Variants in RABGAP1L observed in about 807,000 individuals in gnomAD.
RABGAP1L encodes RAB GTPase activating protein 1 like.
In RABGAP1L, 63 loss-of-function variants were observed where a neutral mutation model predicts 137.7. That is an observed-to-expected ratio of 0.46 (90% CI 0.37 to 0.56). RABGAP1L has a LOEUF of 0.56. RABGAP1L is among the 20% of genes least tolerant of loss of function. The pLI is 0.00. For synonymous variants in RABGAP1L, 431 were observed against 433.7 expected, an observed-to-expected ratio of 0.99 and a Z score of 0.08; for missense variants, 1,095 against 1,244.0, an observed-to-expected ratio of 0.88 and a Z score of 1.80.
intron 7 of RABGAP1L, among the ~76,000 whole-genome samples, chr1:174,254,667 T>C (rs1232377373): frequency 2.6e-5 from 4 of 152,218 alleles, no homozygotes; most frequent in Non-Finnish European, 5.9e-5. Flanking sequence ...GGACATGAAC[T>C]CATTCTTTTT....
chr1:174,619,045 G>C (rs998512822), intron 13 of RABGAP1L, among the ~76,000 whole-genome samples: 1 of 152,078 alleles, frequency 6.6e-6, no homozygotes, highest in Non-Finnish European at 1.5e-5. Flanking sequence ...TATCAGTGAT[G>C]GAAAATCAAA....
chr1:174,958,350 C>G (rs994448811), intron 20 of RABGAP1L, among the ~76,000 whole-genome samples: 1 of 152,172 alleles, frequency 6.6e-6, no homozygotes, highest in East Asian at 1.9e-4. Context: ...TCCCAGGATG[C>G]AAAGTTGGGA....
intron 17 of RABGAP1L, among the ~76,000 whole-genome samples, chr1:174,745,129 A>G (rs983522760): frequency 2.6e-5 from 4 of 152,204 alleles, no homozygotes; most frequent in Non-Finnish European, 5.9e-5. Context: ...CTTTACTCAC[A>G]TATCTACCAC....
At chr1:174,212,783 C>A (rs1346612158) in intron 1 of RABGAP1L, among the ~76,000 whole-genome samples, 1 of 151,958 alleles carries the variant, frequency 6.6e-6, no homozygotes, top group Non-Finnish European at 1.5e-5. Context: ...TGAAAATTGA[C>A]AAACCCTTAG....
At chr1:174,514,894 T>A (rs1241128817) in intron 13 of RABGAP1L, among the ~76,000 whole-genome samples, 1 of 152,218 alleles carries the variant, frequency 6.6e-6, no homozygotes, top group Non-Finnish European at 1.5e-5. Context: ...TTGAGGGCCC[T>A]GATAATTTTT....
intron 11 of RABGAP1L, among the ~76,000 whole-genome samples, chr1:174,369,507 T>C (rs1283763963): frequency 6.6e-6 from 1 of 152,190 alleles, no homozygotes; most frequent in African/African-American, 2.4e-5. Flanking sequence ...AATAGTCCTC[T>C]TTCACTATAA....
intron 18 of RABGAP1L, among the ~76,000 whole-genome samples, chr1:174,797,947 T>A (rs1688398205): frequency 6.6e-6 from 1 of 152,018 alleles, no homozygotes; most frequent in Non-Finnish European, 1.5e-5. Flanking sequence ...GTTTTTTGTT[T>A]TTGTTTTTAG....
intron 13 of RABGAP1L, among the ~76,000 whole-genome samples, chr1:174,416,089 G>A (rs1453239152): frequency 2.9e-5 from 4 of 139,270 alleles, no homozygotes; most frequent in Non-Finnish European, 6.2e-5. Flanking sequence ...CTTGCTGTGA[G>A]CTGCAGTTTT....
At chr1:174,422,416 T>C (rs922945931) in intron 13 of RABGAP1L, among the ~76,000 whole-genome samples, 8 of 152,060 alleles carry the variant, frequency 5.3e-5, no homozygotes, top group Non-Finnish European at 8.8e-5. Flanking sequence ...AAAACAGTTT[T>C]TAGGAATAGA....
intron 13 of RABGAP1L, among the ~76,000 whole-genome samples, chr1:174,616,406 A>G (rs1040102671): frequency 3.3e-5 from 5 of 152,218 alleles, no homozygotes; most frequent in Non-Finnish European, 5.9e-5. Flanking sequence ...ATCTTGGGGA[A>G]TAGATGGTTA....
chr1:174,707,007 T>A (rs1333398076), intron 17 of RABGAP1L, among the ~76,000 whole-genome samples: 1 of 152,158 alleles, frequency 6.6e-6, no homozygotes, highest in Non-Finnish European at 1.5e-5. Context: ...TCCGTGTGAA[T>A]CTTTTGAACT....
chr1:174,383,464 T>C (rs61828652), intron 12 of RABGAP1L, among the ~76,000 whole-genome samples: 13,606 of 152,096 alleles, frequency 0.089, 821 homozygotes, highest in East Asian at 0.22. Flanking sequence ...TAGGACCCTC[T>C]GAGCCAGGTG....
At chr1:174,780,600 G>C (rs972468990) in intron 18 of RABGAP1L, among the ~76,000 whole-genome samples, 1 of 151,874 alleles carries the variant, frequency 6.6e-6, no homozygotes, top group African/African-American at 2.4e-5. Context: ...TTAAGTTCTA[G>C]GGTACATGTG....
At chr1:174,396,453 A>G (rs1647866977) in intron 13 of RABGAP1L, among the ~76,000 whole-genome samples, 1 of 151,986 alleles carries the variant, frequency 6.6e-6, no homozygotes, top group African/African-American at 2.4e-5. Context: ...TATCTATAAT[A>G]TATTAGTATA....
intron 14 of RABGAP1L, among the ~76,000 whole-genome samples, chr1:174,650,550 G>C (rs1192223547): frequency 4.6e-5 from 7 of 151,996 alleles, no homozygotes; most frequent in Non-Finnish European, 7.4e-5. Flanking sequence ...ACTTCTTCCT[G>C]GTTTAGTCTT....
intron 17 of RABGAP1L, among the ~76,000 whole-genome samples, chr1:174,744,088 C>T (rs1473184545): frequency 2.9e-4 from 8 of 27,136 alleles, no homozygotes; most frequent in Admixed American, 1.8e-3. Context: ...CTGTGAAATA[C>T]GTAAAAAAAA....
intron 13 of RABGAP1L, among the ~76,000 whole-genome samples, chr1:174,584,661 A>T (rs2148103055): frequency 6.6e-6 from 1 of 152,302 alleles, no homozygotes; most frequent in African/African-American, 2.4e-5. Context: ...TTTGTAAGAA[A>T]CCTTGGTATC....
intron 15 of RABGAP1L, among the ~76,000 whole-genome samples, chr1:174,699,003 A>AT (rs11350428): frequency 8.8e-5 from 13 of 147,928 alleles, no homozygotes; most frequent in Non-Finnish European, 1.8e-4. Flanking sequence ...ATTTTATTTT[A>AT]TTTTTTTTTT....
At chr1:174,727,118 T>G (rs1682050799) in intron 17 of RABGAP1L, among the ~76,000 whole-genome samples, 1 of 152,176 alleles carries the variant, frequency 6.6e-6, no homozygotes, top group Admixed American at 6.5e-5. Flanking sequence ...AAGAAGAAGA[T>G]AATAATATCA....
Sources: allele counts gnomAD v4.1 joint callset (sites outside exome capture counted in the v4.1 genomes callset), GRCh38; gene constraint gnomAD v4.1.1; transcripts MANE v1.5; gene names NCBI Gene and HGNC (gene_info 2026-07-23, HGNC 2026-07-21).